ERICH3: variants seen among roughly 807,000 people sequenced by gnomAD.
ERICH3 encodes the protein glutamate-rich protein 3.
In ERICH3, 126 loss-of-function variants were observed where a neutral mutation model predicts 131.1. The observed-to-expected ratio is 0.96, with a 90% CI of 0.83 to 1.11. The LOEUF (loss-of-function observed/expected upper bound fraction) is 1.11. Ranked by LOEUF, ERICH3 falls within the 50% of genes most tolerant of loss-of-function variation. The pLI is 0.00. For synonymous variants in ERICH3, 695 were observed against 644.6 expected (o/e 1.08, Z -1.18); for missense variants, 2,050 against 1,810.7 (o/e 1.13, Z -2.40).
At chr1:74,652,489 G>C (rs887095449) in intron 1 of ERICH3, among the ~76,000 whole-genome samples, 1 of 151,724 alleles carries the variant, frequency 6.6e-6, no homozygotes, top group Admixed American at 6.6e-5. Flanking sequence ...GAGCTTTTCT[G>C]AAATTCCACC....
chr1:74,593,195 G>T lies in ERICH3; in HGVS notation c.1727-3115C>A, dbSNP rs1647689024. On this transcript the variant is annotated intron_variant, in intron 11 of 14. Coordinates refer to ENST00000326665, the MANE Select transcript of ERICH3 (RefSeq NM_001002912.5). Reference sequence around the variant, plus strand: ...GCCATTGTTCCATGTCCTAAGCAAGGTCTTTGACTTTTCTCTTTCCACAGT... The same window carrying T: ...GCCATTGTTCCATGTCCTAAGCAAGTTCTTTGACTTTTCTCTTTCCACAGT... 2.0e-5 allele frequency among the ~76,000 whole-genome samples: 3 copies of T among 152,096 alleles called. No individual in the cohort carries two copies. In the South Asian group the frequency reaches 6.2e-4, roughly 32 times the overall value.
chr1:74,643,534 T>G (rs976014211), intron 3 of ERICH3, among the ~76,000 whole-genome samples: 30 of 152,124 alleles, frequency 2.0e-4, no homozygotes, highest in African/African-American at 7.0e-4. Context: ...TAAATAAGGT[T>G]CATACAGATT....
chr1:74,642,599 C>A (rs1646446231), intron 4 of ERICH3, among the ~76,000 whole-genome samples: 1 of 152,082 alleles, frequency 6.6e-6, no homozygotes, highest in Non-Finnish European at 1.5e-5. Context: ...TAAAGAGGAT[C>A]CTTTCCACCG....
At chr1:74,639,818 A>G (rs1438208922) in intron 5 of ERICH3, among the ~76,000 whole-genome samples, 1 of 152,194 alleles carries the variant, frequency 6.6e-6, no homozygotes, top group African/African-American at 2.4e-5. Context: ...AAAAAAATCA[A>G]TGGCAAGATC....
chr1:74,656,545 C>T (rs1646586488), intron 1 of ERICH3, among the ~76,000 whole-genome samples: 1 of 152,164 alleles, frequency 6.6e-6, no homozygotes, highest in Non-Finnish European at 1.5e-5. Context: ...AGATACATGA[C>T]CCTCAATAAT....
chr1:74,618,418 G>A (rs1251096907), intron 8 of ERICH3, among the ~76,000 whole-genome samples: 3 of 152,150 alleles, frequency 2.0e-5, no homozygotes, highest in Admixed American at 1.3e-4. Flanking sequence ...AGCTGTATTT[G>A]CCACAGCATA....
chr1:74,665,007 C>T (rs1646676056), intron 1 of ERICH3, among the ~76,000 whole-genome samples: 1 of 152,156 alleles, frequency 6.6e-6, no homozygotes, highest in Non-Finnish European at 1.5e-5. Flanking sequence ...CCCCAAAATT[C>T]ATATGTTGAA....
rs921013242 is a variant in ERICH3 at position 74,568,513 on chromosome 1, A to G, written c.*1945T>C. 5 of 152,200 alleles carry G rather than the reference A, an allele frequency of 3.3e-5. No homozygotes were observed. Among genetic ancestry groups the G allele is most frequent in the African/African-American group, 1.2e-4 (5 of 41,460 alleles). 9.4% of individuals were successfully genotyped at this position (152,200 alleles called of 1,614,324 possible). A position where few individuals can be genotyped will look rare whatever the true frequency, so the allele number is the denominator to read the frequency against. On this transcript the variant is annotated 3_prime_UTR_variant, in exon 15 of 15. Transcript: ENST00000326665. ...AGCTCAGTAATAAATGAACTTGAAT[A>G]TAATGTAGATGAAATCTACTCATAA...
chr1:74,591,521 C>G (rs1647604719), intron 11 of ERICH3, among the ~76,000 whole-genome samples: 1 of 152,060 alleles, frequency 6.6e-6, no homozygotes, highest in South Asian at 2.1e-4. Flanking sequence ...CAGGGCAGTC[C>G]TCTGAAAAAG....
intron 11 of ERICH3, among the ~76,000 whole-genome samples, chr1:74,593,924 AC>A (rs1407225668): frequency 1.3e-5 from 2 of 152,124 alleles, no homozygotes; most frequent in Non-Finnish European, 2.9e-5. Context: ...ACAGCCATGG[AC>A]CCACCATTGC....
chr1:74,637,724 G>A (rs866425805), intron 5 of ERICH3, among the ~76,000 whole-genome samples: 4 of 151,912 alleles, frequency 2.6e-5, no homozygotes, highest in Non-Finnish European at 2.9e-5. Flanking sequence ...GTTGGAGATC[G>A]ACCTGGGCAA....
At chr1:74,636,896 G>C (rs931624431) in intron 5 of ERICH3, among the ~76,000 whole-genome samples, 4 of 152,098 alleles carry the variant, frequency 2.6e-5, no homozygotes, top group Non-Finnish European at 4.4e-5. Context: ...CCTTAAGACT[G>C]GTGCTGAAGT....
rs373540628 is a variant in ERICH3, at chr1:74,620,850, C to T, written c.884G>A (p.Gly295Glu). Residue 295 changes from glycine to glutamate, a missense_variant, in exon 8 of 15, where the codon GGG (glycine) becomes GAG (glutamate). Coordinates refer to ENST00000326665, the MANE Select transcript of ERICH3 (RefSeq NM_001002912.5). ...ATCAGAAGATAGGTGCACATTTTTC[C>T]CCAAATAGATCATTGTAATAGCTGC... is the stretch of plus-strand genomic sequence containing the variant. The part of the protein sequence containing the change: ...SNAAITMIYL[G>E]KNVHLSSDNP... The T allele has an allele frequency of 2.5e-5, 41 of 1,612,574 alleles. No individual in the cohort carries two copies. The highest frequency in any genetic ancestry group is 6.7e-5 in the African/African-American group (5 of 74,796).
intron 5 of ERICH3, among the ~76,000 whole-genome samples, chr1:74,638,190 G>C (rs1189736568): frequency 6.6e-6 from 1 of 152,148 alleles, no homozygotes; most frequent in Non-Finnish European, 1.5e-5. Context: ...ACCAGCCTTA[G>C]AAGTTAGGCT....
rs1209806791 is a variant in ERICH3 at position 74,571,735 on chromosome 1, G to A, written c.3975C>T (p.Asn1325=). The change falls in exon 14 of 15, where the codon AAC becomes AAT. Residue 1325 remains asparagine (N), a synonymous_variant. Transcript: ENST00000326665. ...EGDGDMEGEG[N]TQKNEGMGGG... ...CTCCCATGCCCTCATTCTTTTGTGTGTTTCCTTCTCCTTCCATGTCCCCGT... is the reference window on the plus strand; with the variant it reads ...CTCCCATGCCCTCATTCTTTTGTGTATTTCCTTCTCCTTCCATGTCCCCGT... 3.1e-6 allele frequency: 5 copies of A among 1,613,982 alleles called. No homozygotes were observed. In the East Asian group the frequency reaches 1.1e-4, roughly 36 times the overall value.
intron 1 of ERICH3, among the ~76,000 whole-genome samples, chr1:74,666,970 G>A (rs1250182495): frequency 6.6e-6 from 1 of 152,144 alleles, no homozygotes; most frequent in Non-Finnish European, 1.5e-5. Context: ...CCTTGAGTAT[G>A]TAGACATTGT....
intron 1 of ERICH3, among the ~76,000 whole-genome samples, chr1:74,656,523 C>T (rs1426339470): frequency 6.6e-6 from 1 of 152,170 alleles, no homozygotes; most frequent in Non-Finnish European, 1.5e-5. Context: ...AAATCTAATT[C>T]TACCCCTTAT....
intron 10 of ERICH3, among the ~76,000 whole-genome samples, chr1:74,606,100 C>G (rs1294031446): frequency 6.6e-6 from 1 of 150,764 alleles, no homozygotes; most frequent in African/African-American, 2.4e-5. Flanking sequence ...AAGGAGAGAA[C>G]AGAGAAAAAA....
At position 74,631,946 on chromosome 1, in the gene ERICH3, C is replaced by T. The variant is rs369410424; in HGVS notation, c.604-18G>A. On this transcript the variant is annotated intron_variant, in intron 6 of 14. Transcript: ENST00000326665. The stretch of plus-strand genomic sequence containing the variant: ...TTCTTGCCCTGTAATCATATTTCAT[C>T]GCATAAGAACCAGTGAAACAGAATC... 60 of 1,596,772 alleles carry T rather than the reference C, an allele frequency of 3.8e-5. No homozygotes were observed. The East Asian group carries it at 4.0e-4, about 11-fold the overall frequency.
Sources: gnomAD v4.1 joint callset for allele counts (sites outside exome capture counted in the v4.1 genomes callset) on GRCh38, gnomAD v4.1.1 for gene constraint, MANE v1.5 for transcripts, NCBI Gene and HGNC (gene_info 2026-07-23, HGNC 2026-07-21) for gene names.